ROBO2: variants seen among roughly 807,000 people sequenced by gnomAD.
ROBO2 encodes the protein roundabout guidance receptor 2.
In ROBO2, 53 loss-of-function variants were observed where a neutral mutation model predicts 160.8. That is an observed-to-expected ratio of 0.33 (90% CI 0.26 to 0.41). The LOEUF (loss-of-function observed/expected upper bound fraction) is 0.41, where lower values mean the gene tolerates loss of function less well. Among genes scored for constraint, ROBO2 ranks in the 10% least tolerant of loss-of-function variants. ROBO2 has a pLI of 1.00. For synonymous variants in ROBO2, 664 were observed against 611.7 expected, an observed-to-expected ratio of 1.09 and a Z score of -1.26; for missense variants, 1,577 against 1,722.4, an observed-to-expected ratio of 0.92 and a Z score of 1.49.
chr3:76,772,130 C>T (rs1175573979), intron 2 of ROBO2, among the ~76,000 whole-genome samples: 2 of 151,216 alleles, frequency 1.3e-5, no homozygotes, highest in South Asian at 2.1e-4. Flanking sequence ...AAGAGCCCCA[C>T]GGCATGTGGG....
intron 2 of ROBO2, among the ~76,000 whole-genome samples, chr3:76,898,706 C>G (rs1194204822): frequency 6.6e-6 from 1 of 152,006 alleles, no homozygotes; most frequent in East Asian, 1.9e-4. Flanking sequence ...AGTTATTTTC[C>G]TTACGTTTGA....
chr3:76,673,873 C>A (rs1011213561), intron 2 of ROBO2, among the ~76,000 whole-genome samples: 1 of 152,048 alleles, frequency 6.6e-6, no homozygotes, highest in African/African-American at 2.4e-5. Context: ...CCCTTAATCA[C>A]CAGAAAATCA....
At chr3:76,326,893 G>A (rs549885712) in intron 2 of ROBO2, among the ~76,000 whole-genome samples, 82 of 151,056 alleles carry the variant, frequency 5.4e-4, no homozygotes, top group African/African-American at 1.9e-3. Flanking sequence ...TCTTGCGATA[G>A]TTTACTGAGA....
At chr3:77,214,699 T>A (rs1418870171) in intron 2 of ROBO2, among the ~76,000 whole-genome samples, 1 of 152,190 alleles carries the variant, frequency 6.6e-6, no homozygotes. Flanking sequence ...ATTTGGCATG[T>A]TTTTGCAGTG....
chr3:76,564,024 G>A (rs1687424293), intron 2 of ROBO2, among the ~76,000 whole-genome samples: 1 of 152,128 alleles, frequency 6.6e-6, no homozygotes, highest in Non-Finnish European at 1.5e-5. Context: ...TGGCCAAAGT[G>A]GTGAAACCCC....
chr3:77,362,275 A>G (rs956550088), intron 2 of ROBO2, among the ~76,000 whole-genome samples: 3 of 152,178 alleles, frequency 2.0e-5, no homozygotes, highest in Non-Finnish European at 4.4e-5. Flanking sequence ...AAATTGAACG[A>G]AACTCCAAAT....
chr3:77,057,409 A>G lies in ROBO2; in HGVS notation c.61+16563A>G, dbSNP rs1008029750. 4.6e-5 allele frequency among the ~76,000 whole-genome samples: 7 copies of G among 152,024 alleles called. No individual in the cohort carries two copies. The East Asian group carries it at 1.4e-3, about 29-fold the overall frequency. On this transcript the variant is annotated intron_variant, in intron 1 of 25. Coordinates refer to ENST00000461745, the Ensembl canonical transcript of ROBO2. ...ACACCAACATGGCACATGTACACAT[A>G]TGTAACAAACCTGCATGTTGTGCAC... is the stretch of plus-strand genomic sequence containing the variant.
chr3:77,624,330 T>A (rs2094960942), intron 23 of ROBO2, among the ~76,000 whole-genome samples: 1 of 152,016 alleles, frequency 6.6e-6, no homozygotes, highest in South Asian at 2.1e-4. Flanking sequence ...AGTGTGTGTG[T>A]GAGAGAGTAT....
intron 2 of ROBO2, among the ~76,000 whole-genome samples, chr3:76,611,723 G>T (rs1052235489): frequency 1.3e-5 from 2 of 151,930 alleles, no homozygotes; most frequent in Non-Finnish European, 2.9e-5. Flanking sequence ...ACAACTTTTT[G>T]TTTCATTGAT....
At chr3:77,429,228 T>C (rs1025547004) in intron 2 of ROBO2, among the ~76,000 whole-genome samples, 1 of 152,160 alleles carries the variant, frequency 6.6e-6, no homozygotes, top group African/African-American at 2.4e-5. Context: ...ATCTCTGCAT[T>C]ACATTTTATT....
chr3:77,000,660 C>A (rs373782077), intron 2 of ROBO2, among the ~76,000 whole-genome samples: 2 of 152,188 alleles, frequency 1.3e-5, no homozygotes, highest in African/African-American at 4.8e-5. Context: ...TCTTTGTGTG[C>A]AAAGTTCCTA....
At chr3:77,524,370 A>C (rs537056545) in intron 6 of ROBO2, among the ~76,000 whole-genome samples, 1 of 151,388 alleles carries the variant, frequency 6.6e-6, no homozygotes. Flanking sequence ...CACACTCTAC[A>C]TGGATAACTT....
intron 2 of ROBO2, chr3:76,435,392 G>A: frequency 2.6e-6 from 2 of 780,488 alleles, no homozygotes; most frequent in Non-Finnish European, 2.4e-6. Context: ...AGCATGGGCA[G>A]AAGTTGGTCA....
chr3:75,928,717 G>T (rs1455131696), intron 1 of ROBO2, among the ~76,000 whole-genome samples: 1 of 152,178 alleles, frequency 6.6e-6, no homozygotes. Flanking sequence ...ATTATAGAAC[G>T]ATCTATGTAC....
At chr3:76,993,383 CAA>C (rs2060800691) in intron 2 of ROBO2, among the ~76,000 whole-genome samples, 1 of 152,108 alleles carries the variant, frequency 6.6e-6, no homozygotes, top group Non-Finnish European at 1.5e-5. Context: ...AAATGATCCC[CAA>C]AGTCACATAC....
chr3:76,039,970 G>A (rs1263140779), intron 2 of ROBO2, among the ~76,000 whole-genome samples: 1 of 151,956 alleles, frequency 6.6e-6, no homozygotes, highest in Non-Finnish European at 1.5e-5. Flanking sequence ...TATTATTGCT[G>A]TGTTAAATAA....
intron 2 of ROBO2, among the ~76,000 whole-genome samples, chr3:77,129,769 T>C (rs1400265613): frequency 1.3e-5 from 2 of 152,132 alleles, no homozygotes; most frequent in African/African-American, 4.8e-5. Context: ...TGTAATGGTT[T>C]TGCCGGGATT....
chr3:76,081,409 G>A (rs1054968823), intron 2 of ROBO2, among the ~76,000 whole-genome samples: 4 of 152,018 alleles, frequency 2.6e-5, no homozygotes, highest in African/African-American at 9.7e-5. Context: ...AAAGAATAGT[G>A]AAAAGAGTAA....
At chr3:77,436,151 C>A (rs2079260014) in intron 2 of ROBO2, among the ~76,000 whole-genome samples, 1 of 148,954 alleles carries the variant, frequency 6.7e-6, no homozygotes, top group Admixed American at 6.7e-5. Context: ...TATATTCCTG[C>A]AGTTTTTTTT....
Sources: allele counts gnomAD v4.1 joint callset (sites outside exome capture counted in the v4.1 genomes callset), GRCh38; gene constraint gnomAD v4.1.1; transcripts MANE v1.5; gene names NCBI Gene and HGNC (gene_info 2026-07-23, HGNC 2026-07-21).